Variants in IGSF5 observed in about 807,000 individuals in gnomAD.
IGSF5 encodes the protein immunoglobulin superfamily member 5.
In IGSF5, 41 loss-of-function variants were observed where a neutral mutation model predicts 39.4. That is an observed-to-expected ratio of 1.04 (90% confidence interval 0.81 to 1.35). The LOEUF is 1.35. IGSF5 is among the 40% of genes most tolerant of loss of function. The probability of loss-of-function intolerance (pLI) is 0.00; values close to 1 mark genes in which losing one functional copy is unlikely to be tolerated. For missense variants in IGSF5, 487 were observed against 494.6 expected, an observed-to-expected ratio of 0.98 and a Z score of 0.15; for synonymous variants, 183 against 175.3, an observed-to-expected ratio of 1.04 and a Z score of -0.34.
At chr21:39,725,825 A>G in the IGSF5 span, 2 of 152,126 alleles carry the variant, frequency 1.3e-5, no homozygotes, top group Non-Finnish European at 2.9e-5. Context: ...AACAGCCGTT[A>G]ATTGTGTTTT....
upstream of IGSF5, among the ~76,000 whole-genome samples, chr21:39,744,495 T>G (rs547882031): frequency 1.2e-4 from 18 of 152,336 alleles, no homozygotes; most frequent in African/African-American, 4.3e-4. Flanking sequence ...CACAAGAGTC[T>G]CCGTATCAAT....
rs1179064176 is a variant in IGSF5, at chr21:39,801,561, G to T, written c.*204G>T. On this transcript the variant is annotated 3_prime_UTR_variant, in exon 9 of 9. Coordinates refer to ENST00000380588, the MANE Select transcript of IGSF5 (RefSeq NM_001080444.2). Reference sequence around the variant, plus strand: ...TCAAAGTAGAATGTGACTTTTAAGAGGTTTCATGGTTTTTGTGAATTCCAT... The same window carrying T: ...TCAAAGTAGAATGTGACTTTTAAGATGTTTCATGGTTTTTGTGAATTCCAT... The T allele has an allele frequency of 9.5e-6, 4 of 422,366 alleles. No homozygotes were observed. Among genetic ancestry groups the T allele is most frequent in the Non-Finnish European group, 1.7e-5 (4 of 237,476 alleles). The allele number at this position is 422,366 out of a possible 1,614,324, so 26.2% of individuals were successfully genotyped here. A position where few individuals can be genotyped will look rare whatever the true frequency, so the allele number is the denominator to read the frequency against.
intron 8 of IGSF5, among the ~76,000 whole-genome samples, chr21:39,794,704 A>G (rs1177314515): frequency 1.3e-5 from 2 of 152,172 alleles, no homozygotes; most frequent in Non-Finnish European, 2.9e-5. Flanking sequence ...AGCTTTTGGA[A>G]AAGGTAAACT....
intron 5 of IGSF5, among the ~76,000 whole-genome samples, chr21:39,781,359 T>C (rs966046224): frequency 6.6e-6 from 1 of 152,232 alleles, no homozygotes; most frequent in Non-Finnish European, 1.5e-5. Flanking sequence ...AGATGTACCA[T>C]GGTTTATTCA....
At position 39,779,261 on chromosome 21, in the gene IGSF5, G is replaced by A. The variant is rs374675570; in HGVS notation, c.890G>A (p.Cys297Tyr). The A allele has an allele frequency of 1.2e-6, 2 of 1,613,368 alleles. No individual in the cohort carries two copies. Among genetic ancestry groups the A allele is most frequent in the Non-Finnish European group, 1.7e-6 (2 of 1,179,488 alleles). Residue 297 changes from cysteine (C) to tyrosine (Y), a missense_variant, in exon 5 of 9, where the codon TGC (cysteine) becomes TAC (tyrosine). Coordinates refer to ENST00000380588, the MANE Select transcript of IGSF5 (RefSeq NM_001080444.2). ...TGCTGCCGCCGTCGTTGTTGTGGCT[G>A]CAACTGCTGCTGCCGTTGTTGTTTC... is the stretch of plus-strand genomic sequence containing the variant. ...CCCCRRRCCG[C>Y]NCCCRCCFCC...
At chr21:39,767,257 C>T (rs2080091537) in intron 3 of IGSF5, among the ~76,000 whole-genome samples, 3 of 152,172 alleles carry the variant, frequency 2.0e-5, no homozygotes, top group Admixed American at 1.3e-4. Context: ...TCATCTTTAA[C>T]CTGGAGATGA....
rs2080084299 is a variant in IGSF5 at position 39,765,767 on chromosome 21, C to T, written c.333C>T (p.His111=). Residue 111 remains histidine (H), a synonymous_variant, in exon 3 of 9, where the codon CAC becomes CAT. Transcript: ENST00000380588. ...ACTTCACCTCGGAGATGATCATCCACAATGTGGAGCCCAGTGATTCGGGGA... is the reference window on the plus strand; with the variant it reads ...ACTTCACCTCGGAGATGATCATCCATAATGTGGAGCCCAGTGATTCGGGGA... ...GGNFTSEMII[H]NVEPSDSGNI... 2 of 1,613,998 alleles carry T rather than the reference C, an allele frequency of 1.2e-6. No homozygotes were observed. Among genetic ancestry groups the T allele is most frequent in the African/African-American group, 1.3e-5 (1 of 74,916 alleles).
chr21:39,729,278 A>G, the IGSF5 span: 1 of 152,190 alleles, frequency 6.6e-6, no homozygotes. Context: ...AGCGAAAGAG[A>G]AGAACAGAAT....
chr21:39,765,606 T>C lies in IGSF5; in HGVS notation c.172T>C (p.Phe58Leu), dbSNP rs1382883134. The C allele has an allele frequency of 2.5e-6, 4 of 1,614,116 alleles. No individual in the cohort carries two copies. The highest frequency in any genetic ancestry group is 3.4e-6 in the Non-Finnish European group (4 of 1,179,978). Reference sequence around the variant, plus strand: ...AGTCCTGAAGGGCTCCCAGGCTCGCTTCAACTGCACCGTCTCCCAGGGCTG... The same window carrying C: ...AGTCCTGAAGGGCTCCCAGGCTCGCCTCAACTGCACCGTCTCCCAGGGCTG... The part of the protein sequence containing the change: ...ARVLKGSQAR[F>L]NCTVSQGWKL... Residue 58 changes from phenylalanine (F) to leucine (L), a missense_variant, in exon 3 of 9, where the codon TTC becomes CTC. By Grantham distance (22) the Phe-to-Leu change is conservative (BLOSUM62 0). Coordinates refer to ENST00000380588, the MANE Select transcript of IGSF5 (RefSeq NM_001080444.2).
In IGSF5 at chr21:39,801,447, C is replaced by T. The variant is rs2087028995; in HGVS notation, c.*90C>T. ...TCCTTTCCATCCTAAGACTGGCCTGCAGCTTTGCCAACATTACCTGAAGAG... is the reference window on the plus strand; with the variant it reads ...TCCTTTCCATCCTAAGACTGGCCTGTAGCTTTGCCAACATTACCTGAAGAG... On this transcript the variant is annotated 3_prime_UTR_variant, in exon 9 of 9. Coordinates refer to ENST00000380588, the MANE Select transcript of IGSF5 (RefSeq NM_001080444.2). 3 of 899,358 alleles carry T rather than the reference C, an allele frequency of 3.3e-6. No homozygotes were observed. In the African/African-American group the frequency reaches 4.9e-5, roughly 15 times the overall value. The allele number at this position is 899,358 out of a possible 1,614,324, so 55.7% of individuals were successfully genotyped here.
chr21:39,720,754 G>C, the IGSF5 span, among the ~76,000 whole-genome samples: 3 of 152,122 alleles, frequency 2.0e-5, no homozygotes, highest in African/African-American at 7.2e-5. Flanking sequence ...TGTCAATATT[G>C]GTTCTCATCA....
chr21:39,734,362 G>T, the IGSF5 span, among the ~76,000 whole-genome samples: 1 of 146,240 alleles, frequency 6.8e-6, no homozygotes, highest in Non-Finnish European at 1.5e-5. Flanking sequence ...GGCGGAGGTT[G>T]TAGTGAGCCG....
intron 6 of IGSF5, chr21:39,791,709 C>A: frequency 3.5e-6 from 1 of 287,454 alleles, no homozygotes. Flanking sequence ...GCCTGTGGGT[C>A]ATAGCTTGCT....
At chr21:39,714,757 G>A in the IGSF5 span, among the ~76,000 whole-genome samples, 1 of 152,194 alleles carries the variant, frequency 6.6e-6, no homozygotes, top group African/African-American at 2.4e-5. Context: ...AGGCACATGG[G>A]TTAGGGCTCA....
chr21:39,725,839 G>A, the IGSF5 span: 1 of 152,186 alleles, frequency 6.6e-6, no homozygotes, highest in African/African-American at 2.4e-5. Context: ...GTGTTTTAGA[G>A]ATCAAGTTAA....
chr21:39,724,035 C>T, the IGSF5 span, among the ~76,000 whole-genome samples: 1 of 151,214 alleles, frequency 6.6e-6, no homozygotes. Context: ...CACTGCACTC[C>T]AGTCTGGGCA....
At chr21:39,759,497 CA>C (rs1374366451) in intron 2 of IGSF5, among the ~76,000 whole-genome samples, 1 of 152,024 alleles carries the variant, frequency 6.6e-6, no homozygotes, top group African/African-American at 2.4e-5. Context: ...GCCGTGGTTA[CA>C]AAAAACTCTT....
At chr21:39,779,414 C>T in intron 5 of IGSF5, 109 bp downstream of exon 5, 2 of 1,323,984 alleles carry the variant, frequency 1.5e-6, no homozygotes, top group Non-Finnish European at 2.1e-6. Flanking sequence ...ACTACAATAT[C>T]ACTTTACCTC....
At position 39,765,583 on chromosome 21, in the gene IGSF5, T is replaced by G; in HGVS notation, c.149T>G (p.Val50Gly). The change falls in exon 3 of 9, where the codon GTC becomes GGC. Residue 50 changes from valine (V) to glycine (G), a missense_variant. Physicochemically the swap from Val to Gly is moderately radical, Grantham distance 109. Coordinates refer to ENST00000380588, the MANE Select transcript of IGSF5 (RefSeq NM_001080444.2). Reference sequence around the variant, plus strand: ...ATAGAAGGCCCCCAAAATGCAAGAGTCCTGAAGGGCTCCCAGGCTCGCTTC... The same window carrying G: ...ATAGAAGGCCCCCAAAATGCAAGAGGCCTGAAGGGCTCCCAGGCTCGCTTC... ...EVIEGPQNAR[V>G]LKGSQARFNC... is the part of the protein sequence containing the mutation. The G allele has an allele frequency of 6.2e-7, 1 of 1,614,046 alleles. No individual in the cohort carries two copies. The highest frequency in any genetic ancestry group is 2.2e-5 in the East Asian group (1 of 44,876).
Sources: allele counts gnomAD v4.1 joint callset (sites outside exome capture counted in the v4.1 genomes callset), GRCh38; gene constraint gnomAD v4.1.1; transcripts MANE v1.5; gene names NCBI Gene and HGNC (gene_info 2026-07-23, HGNC 2026-07-21).